KCNE3: variants seen among roughly 807,000 people sequenced by gnomAD.
KCNE3 encodes potassium voltage-gated channel subfamily E regulatory subunit 3, also known as potassium voltage-gated channel subfamily E member 3.
A neutral mutation model predicts 4.3 loss-of-function variants in KCNE3; 2 were observed. The observed-to-expected ratio is 0.47, with a 90% confidence interval of 0.19 to 1.48. The LOEUF is 1.48. Ranked by LOEUF, KCNE3 falls within the 40% of genes most tolerant of loss-of-function variation. KCNE3 has a pLI of 0.25. For missense variants in KCNE3, 128 were observed against 136.8 expected (o/e 0.94, Z 0.32); for synonymous variants, 47 against 52.0 (o/e 0.90, Z 0.41).
chr11:74,456,722 C>T lies in KCNE3; in HGVS notation c.*530G>A, dbSNP rs1480934084. The T allele has an allele frequency of 1.8e-5, 3 of 164,190 alleles. No individual in the cohort carries two copies. Among genetic ancestry groups the T allele is most frequent in the Non-Finnish European group, 4.0e-5 (3 of 74,764 alleles). The allele number at this position is 164,190 out of a possible 1,614,324, so 10.2% of individuals were successfully genotyped here. A position where few individuals can be genotyped will look rare whatever the true frequency, so the allele number is the denominator to read the frequency against. ...GCACTAGGCAAGGAGACCAGAGTTCCTGGGTTCCAATCATGGCACTATGCA... is the reference window on the plus strand; with the variant it reads ...GCACTAGGCAAGGAGACCAGAGTTCTTGGGTTCCAATCATGGCACTATGCA... On this transcript the variant is annotated 3_prime_UTR_variant, in exon 3 of 3. Transcript: ENST00000310128.
chr11:74,460,732 C>T (rs992963615), intron 2 of KCNE3, among the ~76,000 whole-genome samples: 9 of 152,208 alleles, frequency 5.9e-5, no homozygotes, highest in Admixed American at 2.0e-4. Flanking sequence ...TTGAGTGCCA[C>T]GCTGTAGAGT....
chr11:74,457,472 C>T lies in KCNE3; in HGVS notation c.92G>A (p.Cys31Tyr), dbSNP rs748308590. ...TGGCCCCAGCCCTGGCCCTGGCCGG[C>T]AGAGCAAATTGCTGTGAAGAGTGGC... ...LNATLHSNLL[C>Y]RPGPGLGPDN... The change falls in exon 3 of 3, where the codon TGC (cysteine) becomes TAC (tyrosine). Residue 31 changes from cysteine (C) to tyrosine (Y), a missense_variant. Transcript: ENST00000310128. The T allele has an allele frequency of 6.2e-7, 1 of 1,614,036 alleles. No individual in the cohort carries two copies. The highest frequency in any genetic ancestry group is 1.3e-5 in the African/African-American group (1 of 74,944).
chr11:74,461,611 A>G (rs1415018036), intron 2 of KCNE3, among the ~76,000 whole-genome samples: 2 of 152,140 alleles, frequency 1.3e-5, no homozygotes, highest in Non-Finnish European at 2.9e-5. Context: ...CAGGAAAGCA[A>G]GACCTCTGTC....
chr11:74,464,568 C>T (rs1470665838), intron 1 of KCNE3, among the ~76,000 whole-genome samples: 1 of 152,140 alleles, frequency 6.6e-6, no homozygotes, highest in Admixed American at 6.5e-5. Flanking sequence ...GTTGGTGCAA[C>T]CCCCTCATTC....
Position 74,457,097 on chromosome 11 carries a change from C to T in KCNE3, c.*155G>A. On this transcript the variant is annotated 3_prime_UTR_variant, in exon 3 of 3. Coordinates refer to ENST00000310128, the MANE Select transcript of KCNE3 (RefSeq NM_005472.5). The stretch of plus-strand genomic sequence containing the variant: ...ACAAGGCTTCGGTCTACCAGCCCCT[C>T]TTCTCCCACCCCAGTGACGACCTCC... 2 of 755,570 alleles carry T rather than the reference C, an allele frequency of 2.6e-6. No homozygotes were observed. The highest frequency in any genetic ancestry group is 4.5e-6 in the Non-Finnish European group (2 of 441,086). The allele number at this position is 755,570 out of a possible 1,614,324, so 46.8% of individuals were successfully genotyped here.
intron 1 of KCNE3, among the ~76,000 whole-genome samples, chr11:74,466,206 C>T (rs1489851224): frequency 6.6e-6 from 1 of 152,196 alleles, no homozygotes; most frequent in Non-Finnish European, 1.5e-5. Flanking sequence ...GTCTATATCC[C>T]TCTAGGCCTC....
rs991729496 is a variant in KCNE3, at chr11:74,455,953, C to G, written c.*1299G>C. 1 of 151,400 alleles carries G rather than the reference C, an allele frequency of 6.6e-6. No individual in the cohort carries two copies. Among genetic ancestry groups the G allele is most frequent in the Non-Finnish European group, 1.5e-5 (1 of 67,802 alleles). The allele number at this position is 151,400 out of a possible 1,614,324, so 9.4% of individuals were successfully genotyped here. A position where few individuals can be genotyped will look rare whatever the true frequency, so the allele number is the denominator to read the frequency against. ...ATGTTGGCCAGGCTGGTCTCGAACTCCTGACCTCAGGTGATCCGCCCACCT... is the reference window on the plus strand; with the variant it reads ...ATGTTGGCCAGGCTGGTCTCGAACTGCTGACCTCAGGTGATCCGCCCACCT... On this transcript the variant is annotated 3_prime_UTR_variant, in exon 3 of 3. Transcript: ENST00000310128.
intron 1 of KCNE3, among the ~76,000 whole-genome samples, chr11:74,463,665 G>C (rs1864002330): frequency 6.6e-6 from 1 of 152,144 alleles, no homozygotes; most frequent in Admixed American, 6.5e-5. Context: ...GGACTTTAAG[G>C]ATCATCTAGA....
chr11:74,459,509 A>G (rs927933550), intron 2 of KCNE3, among the ~76,000 whole-genome samples: 71 of 152,094 alleles, frequency 4.7e-4, no homozygotes, highest in African/African-American at 1.2e-3. Flanking sequence ...TGATTCGCCC[A>G]CCTCGGCCTC....
chr11:74,455,959 C>T lies in KCNE3; in HGVS notation c.*1293G>A, dbSNP rs1294165126. 1.3e-5 allele frequency: 2 copies of T among 151,452 alleles called. No individual in the cohort carries two copies. The highest frequency in any genetic ancestry group is 4.8e-5 in the African/African-American group (2 of 41,278). 9.4% of individuals were successfully genotyped at this position (151,452 alleles called of 1,614,324 possible). A position where few individuals can be genotyped will look rare whatever the true frequency, so the allele number is the denominator to read the frequency against. Reference sequence around the variant, plus strand: ...GCCAGGCTGGTCTCGAACTCCTGACCTCAGGTGATCCGCCCACCTTGGCAG... The same window carrying T: ...GCCAGGCTGGTCTCGAACTCCTGACTTCAGGTGATCCGCCCACCTTGGCAG... On this transcript the variant is annotated 3_prime_UTR_variant, in exon 3 of 3. Transcript: ENST00000310128.
Position 74,457,325 on chromosome 11 carries a change from G to T in KCNE3, c.239C>A (p.Thr80Asn). ...VTVGSLILGY[T>N]RSRKVDKRSD... ...ACGCTTGTCCACTTTGCGGGAGCGG[G>T]TGTATCCCAGGATGAGGCTGCCCAC... Residue 80 changes from threonine to asparagine, a missense_variant, in exon 3 of 3, where the codon ACC becomes AAC. Transcript: ENST00000310128. 1 of 1,614,216 alleles carries T rather than the reference G, an allele frequency of 6.2e-7. No individual in the cohort carries two copies. The highest frequency in any genetic ancestry group is 1.1e-5 in the South Asian group (1 of 91,088).
In KCNE3 at chr11:74,457,127, AC is replaced by A. The variant is rs964893868; in HGVS notation, c.*124del. The A allele has an allele frequency of 2.1e-6, 2 of 969,762 alleles. No individual in the cohort carries two copies. The highest frequency in any genetic ancestry group is 3.2e-5 in the African/African-American group (2 of 61,648). 60.1% of individuals were successfully genotyped at this position (969,762 alleles called of 1,614,324 possible). On this transcript the variant is annotated 3_prime_UTR_variant, in exon 3 of 3. Coordinates refer to ENST00000310128, the MANE Select transcript of KCNE3 (RefSeq NM_005472.5). ...CCCACCCCAGTGACGACCTCCCTTA[AC>A]CGTGTTTCTTGTTGATCTTACAGAT...
intron 2 of KCNE3, among the ~76,000 whole-genome samples, chr11:74,460,651 G>C (rs1010159945): frequency 3.9e-5 from 6 of 152,228 alleles, no homozygotes; most frequent in Non-Finnish European, 7.3e-5. Flanking sequence ...AAAGAGGTTG[G>C]AGTGTAAGAT....
At chr11:74,465,134 G>GTGTGTA (rs894295743) in intron 1 of KCNE3, among the ~76,000 whole-genome samples, 4 of 151,896 alleles carry the variant, frequency 2.6e-5, no homozygotes, top group African/African-American at 4.8e-5. Context: ...GTATGTGTGT[G>GTGTGTA]TGTGTATGTG....
intron 2 of KCNE3, among the ~76,000 whole-genome samples, chr11:74,458,466 A>G (rs1310781300): frequency 6.6e-5 from 10 of 152,226 alleles, no homozygotes; most frequent in African/African-American, 2.4e-4. Context: ...CTTCCATGCT[A>G]GCTCTCAGCA....
rs1481845193 is a variant in KCNE3 at position 74,455,826 on chromosome 11, CA to C, written c.*1425del. The C allele has an allele frequency of 6.6e-6, 1 of 151,682 alleles. No homozygotes were observed. The highest frequency in any genetic ancestry group is 1.5e-5 in the Non-Finnish European group (1 of 67,956). The allele number at this position is 151,682 out of a possible 1,614,324, so 9.4% of individuals were successfully genotyped here. ...TACTGCAACCTCCACCTCCCGGGTT[CA>C]AACAATTCTCCTGCCTCAGCCTCCC... On this transcript the variant is annotated 3_prime_UTR_variant, in exon 3 of 3. Transcript: ENST00000310128.
intron 1 of KCNE3, chr11:74,462,488 T>G (rs1863976184): frequency 6.6e-6 from 1 of 152,212 alleles, no homozygotes; most frequent in Non-Finnish European, 1.5e-5. Context: ...CCCAAGGGAA[T>G]TGACATGAGT....
rs1863966888 is a variant in KCNE3 at position 74,462,080 on chromosome 11, C to T, written c.-166G>A. 6.6e-6 allele frequency: 1 copy of T among 152,444 alleles called. No individual in the cohort carries two copies. The allele number at this position is 152,444 out of a possible 1,614,324, so 9.4% of individuals were successfully genotyped here. A position where few individuals can be genotyped will look rare whatever the true frequency, so the allele number is the denominator to read the frequency against. On this transcript the variant is annotated 5_prime_UTR_variant, in exon 2 of 3. Transcript: ENST00000310128. ...GACACATCTGGGATCTCAGTATTGA[C>T]TTCGGAGCTGGGAAAGCCCAGAGCT...
At chr11:74,461,292 TTGTGTGTG>T (rs4018948) in intron 2 of KCNE3, among the ~76,000 whole-genome samples, 1,772 of 148,268 alleles carry the variant, frequency 0.012, 34 homozygotes, top group African/African-American at 0.041. Flanking sequence ...TTTTTATGTT[TTGTGTGTG>T]TGTGTGTGTG....
Sources: gnomAD v4.1 joint callset for allele counts (sites outside exome capture counted in the v4.1 genomes callset) on GRCh38, gnomAD v4.1.1 for gene constraint, MANE v1.5 for transcripts, NCBI Gene and HGNC (gene_info 2026-07-23, HGNC 2026-07-21) for gene names.